Variants in CLYBL observed in about 807,000 individuals in gnomAD.
CLYBL encodes citramalyl-CoA lyase, mitochondrial.
Under a neutral mutation model 38.9 loss-of-function variants are expected in CLYBL, and 31 were observed. That is an observed-to-expected ratio of 0.80 (90% CI 0.60 to 1.08). The LOEUF (loss-of-function observed/expected upper bound fraction) is 1.08. CLYBL is among the 50% of genes least tolerant of loss of function. The pLI, the probability that CLYBL is intolerant of heterozygous loss-of-function variation, is 0.00. For missense variants in CLYBL, 434 were observed against 411.6 expected, an observed-to-expected ratio of 1.05 and a Z score of -0.47; for synonymous variants, 171 against 158.6, an observed-to-expected ratio of 1.08 and a Z score of -0.59.
chr13:99,832,999 CATACATACATATATATATATAT>C (rs1288694086), intron 2 of CLYBL, among the ~76,000 whole-genome samples: 3 of 53,708 alleles, frequency 5.6e-5, no homozygotes, highest in African/African-American at 1.8e-4. Flanking sequence ...TATATACATA[CATACATACATATATATATATAT>C]ATATATATAT....
chr13:99,706,979 T>C (rs532082646), intron 1 of CLYBL, among the ~76,000 whole-genome samples: 1 of 152,126 alleles, frequency 6.6e-6, no homozygotes, highest in East Asian at 1.9e-4. Context: ...AATTTTTGTA[T>C]TTTTTTGTAG....
intron 1 of CLYBL, among the ~76,000 whole-genome samples, chr13:99,657,920 G>T (rs1434281148): frequency 6.6e-6 from 1 of 152,202 alleles, no homozygotes; most frequent in African/African-American, 2.4e-5. Flanking sequence ...GCTTCCTTAG[G>T]AGCTGCTCGC....
intron 1 of CLYBL, among the ~76,000 whole-genome samples, chr13:99,744,372 A>G (rs983553406): frequency 1.3e-5 from 2 of 152,194 alleles, no homozygotes; most frequent in African/African-American, 4.8e-5. Flanking sequence ...CCTACACTGT[A>G]GTGTGAGGGA....
In CLYBL at chr13:99,865,004, C is replaced by T. The variant is rs765450751; in HGVS notation, c.634+93C>T. On this transcript the variant is annotated intron_variant, in intron 5 of 8. Coordinates refer to ENST00000339105, the MANE Select transcript of CLYBL (RefSeq NM_206808.5). This position sits in a 1 kb window ranked among gnomAD's most constrained non-coding sequence, Gnocchi z 4.7. ...TTTGCCCCTCAAGGATGGACATTTACATAACAATGTATATTTGCCAACCAT... is the reference window on the plus strand; with the variant it reads ...TTTGCCCCTCAAGGATGGACATTTATATAACAATGTATATTTGCCAACCAT... 4.6e-6 allele frequency: 4 copies of T among 869,758 alleles called. No individual in the cohort carries two copies. Among genetic ancestry groups the T allele is most frequent in the Non-Finnish European group, 5.9e-6 (3 of 512,564 alleles). 53.9% of individuals were successfully genotyped at this position (869,758 alleles called of 1,614,324 possible). A position where few individuals can be genotyped will look rare whatever the true frequency, so the allele number is the denominator to read the frequency against.
intron 1 of CLYBL, among the ~76,000 whole-genome samples, chr13:99,616,756 G>A (rs774948430): frequency 4.6e-5 from 7 of 152,136 alleles, no homozygotes; most frequent in Non-Finnish European, 1.0e-4. Context: ...AGAAGTTCAA[G>A]ACCAGCCTGG....
intron 7 of CLYBL, among the ~76,000 whole-genome samples, chr13:99,875,773 G>A (rs2052023576): frequency 1.3e-5 from 2 of 152,116 alleles, no homozygotes; most frequent in Non-Finnish European, 2.9e-5. Flanking sequence ...TTTATGAGCA[G>A]GAACACGAAA....
intron 1 of CLYBL, among the ~76,000 whole-genome samples, chr13:99,617,873 T>C (rs1168899266): frequency 6.6e-6 from 1 of 152,192 alleles, no homozygotes; most frequent in Admixed American, 6.5e-5. Context: ...CTCTGTCCCT[T>C]TGTGCCTCAG....
At position 99,865,664 on chromosome 13, in the gene CLYBL, T is replaced by C. The variant is rs1594232050; in HGVS notation, c.635-576T>C. Among the ~76,000 whole-genome samples the C allele has an allele frequency of 6.6e-6, 1 of 152,220 alleles. No homozygotes were observed. The highest frequency in any genetic ancestry group is 1.5e-5 in the Non-Finnish European group (1 of 68,034). ...TTGAATACGAGTCTTTCCAGGAGAC[T>C]TGTGTATCCAACGGTTCAGCGGGCT... is the stretch of plus-strand genomic sequence containing the variant. On this transcript the variant is annotated intron_variant, in intron 5 of 8. Transcript: ENST00000339105. The surrounding 1 kb of genome is among the most constrained non-coding windows in gnomAD (Gnocchi z 4.7).
intron 1 of CLYBL, among the ~76,000 whole-genome samples, chr13:99,623,894 G>T (rs1186214937): frequency 6.6e-6 from 1 of 151,290 alleles, no homozygotes; most frequent in East Asian, 1.9e-4. Flanking sequence ...GGGAGGTGAA[G>T]GTTGCAGTGA....
At chr13:99,806,940 A>G (rs980334258) in intron 2 of CLYBL, among the ~76,000 whole-genome samples, 6 of 152,214 alleles carry the variant, frequency 3.9e-5, no homozygotes, top group Non-Finnish European at 8.8e-5. Context: ...CTGTGTCTAC[A>G]TTCTCGTGTT....
rs771337840 is a variant in CLYBL at position 99,891,437 on chromosome 13, G to C, written c.*24G>C. On this transcript the variant is annotated splice_region_variant and 3_prime_UTR_variant, in exon 8 of 9. Transcript: ENST00000339105. ...GATCTGTTAAATGAAGCTGTCATCA[G>C]GTGGGCTGAACATATACAGTGGGGT... The C allele has an allele frequency of 6.4e-7, 1 of 1,557,342 alleles. No individual in the cohort carries two copies. Among genetic ancestry groups the C allele is most frequent in the Non-Finnish European group, 8.9e-7 (1 of 1,128,388 alleles).
At chr13:99,626,069 G>C (rs2046865478) in intron 1 of CLYBL, among the ~76,000 whole-genome samples, 1 of 152,236 alleles carries the variant, frequency 6.6e-6, no homozygotes, top group Non-Finnish European at 1.5e-5. Flanking sequence ...GCCTGTGGTA[G>C]ATCCTGAGTA....
At chr13:99,763,786 C>T (rs1337317503) in intron 1 of CLYBL, among the ~76,000 whole-genome samples, 2 of 152,074 alleles carry the variant, frequency 1.3e-5, no homozygotes, top group Non-Finnish European at 2.9e-5. Context: ...AACTCCCGAC[C>T]TCATGATCTG....
At chr13:99,661,280 A>G (rs889368555) in intron 1 of CLYBL, among the ~76,000 whole-genome samples, 1 of 152,206 alleles carries the variant, frequency 6.6e-6, no homozygotes, top group African/African-American at 2.4e-5. Context: ...GAAAATTGTA[A>G]TTCCCTTAAA....
intron 1 of CLYBL, among the ~76,000 whole-genome samples, chr13:99,614,074 T>A (rs960595803): frequency 1.5e-4 from 23 of 152,022 alleles, no homozygotes; most frequent in Non-Finnish European, 3.2e-4. Context: ...GGGCTGTGGA[T>A]GAAGACGGGT....
Position 99,865,024 on chromosome 13 carries a change from A to G in CLYBL, c.634+113A>G, listed in dbSNP as rs777823645. On this transcript the variant is annotated intron_variant, in intron 5 of 8. Transcript: ENST00000339105. This position sits in a 1 kb window ranked among gnomAD's most constrained non-coding sequence, Gnocchi z 4.7. ...ATTTACATAACAATGTATATTTGCC[A>G]ACCATGACAATGGTTTTTCATGACA... The G allele has an allele frequency of 3.4e-5, 27 of 798,204 alleles. No homozygotes were observed. Among genetic ancestry groups the G allele is most frequent in the East Asian group, 2.1e-4 (8 of 38,516 alleles). 49.4% of individuals were successfully genotyped at this position (798,204 alleles called of 1,614,324 possible).
At chr13:99,778,841 G>C (rs1463656504) in intron 2 of CLYBL, among the ~76,000 whole-genome samples, 1 of 152,162 alleles carries the variant, frequency 6.6e-6, no homozygotes, top group African/African-American at 2.4e-5. Flanking sequence ...AGGAGGAAGA[G>C]GCATGATTCC....
chr13:99,638,747 G>A (rs2047056690), intron 1 of CLYBL, among the ~76,000 whole-genome samples: 1 of 152,224 alleles, frequency 6.6e-6, no homozygotes, highest in Admixed American at 6.5e-5. Flanking sequence ...AACACAGAAA[G>A]GTTAAGTTAC....
intron 1 of CLYBL, among the ~76,000 whole-genome samples, chr13:99,706,436 A>G (rs750802622): frequency 1.3e-5 from 2 of 152,140 alleles, no homozygotes; most frequent in Admixed American, 1.3e-4. Flanking sequence ...AGTTATTTCA[A>G]GGTCACAGTC....
Sources: allele counts gnomAD v4.1 joint callset (sites outside exome capture counted in the v4.1 genomes callset), GRCh38; gene constraint gnomAD v4.1.1; non-coding constraint Gnocchi (gnomAD v3.1); transcripts MANE v1.5; gene names NCBI Gene and HGNC (gene_info 2026-07-23, HGNC 2026-07-21).